CLIC5: variants seen among roughly 807,000 people sequenced by gnomAD.
The protein encoded by CLIC5 is chloride intracellular channel protein 5.
In CLIC5, 20 loss-of-function variants were observed where a neutral mutation model predicts 24.7. That is an observed-to-expected ratio of 0.81 (90% CI 0.57 to 1.18). CLIC5 has a LOEUF of 1.18. CLIC5 is among the 50% of genes most tolerant of loss of function. The probability of loss-of-function intolerance (pLI) is 0.00; values close to 1 mark genes in which losing one functional copy is unlikely to be tolerated. For synonymous variants in CLIC5, 159 were observed against 135.6 expected, an observed-to-expected ratio of 1.17 and a Z score of -1.20; for missense variants, 341 against 326.1, an observed-to-expected ratio of 1.05 and a Z score of -0.35.
intron 1 of CLIC5, among the ~76,000 whole-genome samples, chr6:45,974,520 T>TAGAG (rs1438158945): frequency 5.4e-4 from 36 of 66,942 alleles, no homozygotes; most frequent in Non-Finnish European, 9.3e-4. Flanking sequence ...TATATATATA[T>TAGAG]ATAGAGAGAG....
intron 1 of CLIC5, among the ~76,000 whole-genome samples, chr6:45,976,878 A>T (rs9472636): frequency 0.013 from 1,956 of 152,310 alleles, 48 homozygotes; most frequent in African/African-American, 0.044. Context: ...CAAAAGGGAT[A>T]TTGCTGATGC....
Position 45,900,833 on chromosome 6 carries a change from T to C in CLIC5, c.*2255A>G, listed in dbSNP as rs1441995483. 2 of 152,164 alleles carry C rather than the reference T, an allele frequency of 1.3e-5. No homozygotes were observed. Among genetic ancestry groups the C allele is most frequent in the Non-Finnish European group, 2.9e-5 (2 of 68,030 alleles). 9.4% of individuals were successfully genotyped at this position (152,164 alleles called of 1,614,324 possible). ...GGACATCTAGAAACAGCAATATTGA[T>C]TTGGTTTGGCCTGTTTGTTTTTAAG... is the stretch of plus-strand genomic sequence containing the variant. On this transcript the variant is annotated 3_prime_UTR_variant, in exon 6 of 6. Transcript: ENST00000339561.
intron 1 of CLIC5, among the ~76,000 whole-genome samples, chr6:46,074,396 C>A (rs566296373): frequency 6.6e-6 from 1 of 152,286 alleles, no homozygotes; most frequent in South Asian, 2.1e-4. Flanking sequence ...TACGACAATT[C>A]TGGAGCACTT....
chr6:45,933,485 G>T (rs1763820344), intron 4 of CLIC5, among the ~76,000 whole-genome samples: 1 of 152,216 alleles, frequency 6.6e-6, no homozygotes, highest in Non-Finnish European at 1.5e-5. Context: ...ACTGATGAAG[G>T]GCAATGCAAT....
At chr6:46,047,881 A>G (rs1767996751) in intron 1 of CLIC5, among the ~76,000 whole-genome samples, 1 of 152,250 alleles carries the variant, frequency 6.6e-6, no homozygotes, top group Non-Finnish European at 1.5e-5. Context: ...TTATCCACAT[A>G]ATAAAATATT....
chr6:45,955,083 G>T (rs1247445453), intron 2 of CLIC5, 52 bp downstream of exon 2: 2 of 1,381,326 alleles, frequency 1.4e-6, no homozygotes, highest in East Asian at 2.3e-5. Flanking sequence ...TTCATGGAAG[G>T]TTCTCTGTTC....
At chr6:46,108,056 A>AAAAAAAAAAAAT in the CLIC5 span, among the ~76,000 whole-genome samples, 1 of 146,042 alleles carries the variant, frequency 6.8e-6, no homozygotes, top group South Asian at 2.2e-4. Flanking sequence ...AAAAAAAAAA[A>AAAAAAAAAAAAT]CCTCAATGGA....
At chr6:45,982,694 A>G (rs1765606823) in intron 1 of CLIC5, among the ~76,000 whole-genome samples, 1 of 152,190 alleles carries the variant, frequency 6.6e-6, no homozygotes, top group South Asian at 2.1e-4. Flanking sequence ...CGTTGGCTGA[A>G]ACGTTATTAT....
chr6:46,128,304 C>A, the CLIC5 span, among the ~76,000 whole-genome samples: 128 of 152,344 alleles, frequency 8.4e-4, no homozygotes, highest in African/African-American at 2.8e-3. Flanking sequence ...CAGCTGCTAT[C>A]TTCACCACAC....
At chr6:45,890,968 G>A (rs1157102578) in intron 6 of CLIC5, among the ~76,000 whole-genome samples, 1 of 152,108 alleles carries the variant, frequency 6.6e-6, no homozygotes, top group Non-Finnish European at 1.5e-5. Context: ...CAGGTTCACG[G>A]TTACAGATAA....
intron 4 of CLIC5, among the ~76,000 whole-genome samples, chr6:45,930,908 A>G (rs1276550297): frequency 1.3e-5 from 2 of 152,238 alleles, no homozygotes; most frequent in African/African-American, 4.8e-5. Context: ...AGAACTTGCT[A>G]TTGTAGCCAC....
intron 4 of CLIC5, among the ~76,000 whole-genome samples, chr6:45,936,595 A>G (rs1285584195): frequency 6.6e-6 from 1 of 152,124 alleles, no homozygotes; most frequent in Non-Finnish European, 1.5e-5. Context: ...ACAGATGAGG[A>G]AACTGAGGCA....
intron 1 of CLIC5, among the ~76,000 whole-genome samples, chr6:46,041,978 T>C (rs1380967569): frequency 6.6e-6 from 1 of 152,180 alleles, no homozygotes; most frequent in East Asian, 1.9e-4. Flanking sequence ...AGCTCTCAAT[T>C]AGAAACAAAG....
chr6:45,920,622 A>G (rs958771030), intron 4 of CLIC5: 6 of 916,030 alleles, frequency 6.5e-6, no homozygotes, highest in South Asian at 1.0e-4. Context: ...GAAACAAAAA[A>G]TAATAATAAG....
At chr6:46,022,231 G>A (rs1456036806) in intron 1 of CLIC5, among the ~76,000 whole-genome samples, 2 of 152,164 alleles carry the variant, frequency 1.3e-5, no homozygotes, top group African/African-American at 2.4e-5. Context: ...TGATGCTTAT[G>A]GGGAGATTTT....
chr6:46,110,588 A>G, the CLIC5 span, among the ~76,000 whole-genome samples: 1 of 152,298 alleles, frequency 6.6e-6, no homozygotes, highest in East Asian at 1.9e-4. Context: ...CTGATATGGT[A>G]CCTTGTCTAC....
At chr6:45,949,131 G>A (rs1377923487) in intron 3 of CLIC5, 125 bp downstream of exon 3, 4 of 1,258,874 alleles carry the variant, frequency 3.2e-6, no homozygotes, top group East Asian at 2.6e-5. Context: ...TTGAAGAAAG[G>A]GTCCTGTTCT....
chr6:46,093,253 A>T, the CLIC5 span, among the ~76,000 whole-genome samples: 1 of 152,082 alleles, frequency 6.6e-6, no homozygotes, highest in Non-Finnish European at 1.5e-5. Context: ...CACCTTTTCT[A>T]TCTTGCCCCA....
chr6:45,922,835 T>TAGAGAGAGAGAGAGAGAGAGAGAGAGAG (rs36124366), intron 4 of CLIC5, among the ~76,000 whole-genome samples: 4 of 144,392 alleles, frequency 2.8e-5, no homozygotes, highest in African/African-American at 7.6e-5. Context: ...GAGAGAGAGA[T>TAGAGAGAGAGAGAGAGAGAGAGAGAGAG]AGAGAGAGAG....
Sources: allele counts gnomAD v4.1 joint callset (sites outside exome capture counted in the v4.1 genomes callset), GRCh38; gene constraint gnomAD v4.1.1; transcripts MANE v1.5; gene names NCBI Gene and HGNC (gene_info 2026-07-23, HGNC 2026-07-21).